The following PARD3 variants were observed in gnomAD, a reference collection of about 807,000 sequenced individuals.
PARD3 encodes the protein partitioning defective 3 homolog.
In PARD3, 75 loss-of-function variants were observed where a neutral mutation model predicts 155.4. The ratio of observed to expected loss-of-function variants is 0.48; its 90% confidence interval spans 0.40 to 0.58. The LOEUF (loss-of-function observed/expected upper bound fraction) is 0.58, where lower values mean the gene tolerates loss of function less well. Among genes scored for constraint, PARD3 ranks in the 20% least tolerant of loss-of-function variants. PARD3 has a pLI of 0.00. For synonymous variants in PARD3, 576 were observed against 610.5 expected, an observed-to-expected ratio of 0.94 and a Z score of 0.83; for missense variants, 1,642 against 1,721.7, an observed-to-expected ratio of 0.95 and a Z score of 0.82.
chr10:34,699,041 T>C (rs973041358), intron 1 of PARD3, among the ~76,000 whole-genome samples: 1 of 152,202 alleles, frequency 6.6e-6, no homozygotes, highest in Admixed American at 6.5e-5. Flanking sequence ...CAGCAGAATA[T>C]GTTACCCTCT....
At chr10:34,618,392 GCTTTT>G (rs1382951212) in intron 2 of PARD3, among the ~76,000 whole-genome samples, 1 of 152,102 alleles carries the variant, frequency 6.6e-6, no homozygotes, top group East Asian at 1.9e-4. Flanking sequence ...ACTTAAAATA[GCTTTT>G]CTTAACTCTT....
chr10:34,206,748 T>C (rs1010219780), intron 22 of PARD3, among the ~76,000 whole-genome samples: 10 of 152,296 alleles, frequency 6.6e-5, no homozygotes, highest in African/African-American at 2.4e-4. Context: ...GTTGCTGCCA[T>C]GGAAAGCAGT....
intron 14 of PARD3, among the ~76,000 whole-genome samples, chr10:34,355,884 C>T (rs1201568854): frequency 3.7e-5 from 5 of 135,362 alleles, no homozygotes; most frequent in Non-Finnish European, 7.6e-5. Flanking sequence ...AAGATCACGC[C>T]ACTGCACTCC....
At chr10:34,201,929 A>C (rs1951234898) in intron 22 of PARD3, 1 of 152,196 alleles carries the variant, frequency 6.6e-6, no homozygotes, top group Admixed American at 6.5e-5. Context: ...TCTTGGAAAA[A>C]AGGATCAGGG....
chr10:34,536,418 A>C (rs946134408), intron 2 of PARD3, among the ~76,000 whole-genome samples: 1 of 152,238 alleles, frequency 6.6e-6, no homozygotes, highest in African/African-American at 2.4e-5. Flanking sequence ...GTACTGCTTT[A>C]CAATACCAAC....
intron 2 of PARD3, among the ~76,000 whole-genome samples, chr10:34,544,527 T>C (rs1172514447): frequency 1.3e-5 from 2 of 152,166 alleles, no homozygotes; most frequent in African/African-American, 2.4e-5. Context: ...GCCTTTATAA[T>C]ACATTAACCC....
At chr10:34,737,812 AC>A in intron 1 of PARD3, among the ~76,000 whole-genome samples, 1 of 152,352 alleles carries the variant, frequency 6.6e-6, no homozygotes, top group South Asian at 2.1e-4. Flanking sequence ...TTATAGCAAC[AC>A]GAATGAACTA....
intron 1 of PARD3, among the ~76,000 whole-genome samples, chr10:34,700,292 C>T (rs1273247997): frequency 6.6e-6 from 1 of 152,148 alleles, no homozygotes; most frequent in African/African-American, 2.4e-5. Context: ...CAAAACATTT[C>T]CTAAGACTAA....
chr10:34,410,957 G>A (rs1844983716), intron 5 of PARD3, among the ~76,000 whole-genome samples: 1 of 152,208 alleles, frequency 6.6e-6, no homozygotes, highest in South Asian at 2.1e-4. Context: ...AGGGAGTAAG[G>A]AGAACTGAAC....
chr10:34,480,479 A>T (rs561837414), intron 3 of PARD3, among the ~76,000 whole-genome samples: 1 of 152,102 alleles, frequency 6.6e-6, no homozygotes, highest in South Asian at 2.1e-4. Flanking sequence ...CTCAAAGTGA[A>T]ACTCCCATCT....
intron 2 of PARD3, among the ~76,000 whole-genome samples, chr10:34,683,428 A>G (rs1295793478): frequency 6.6e-6 from 1 of 151,658 alleles, no homozygotes; most frequent in African/African-American, 2.4e-5. Flanking sequence ...GATAGTTACT[A>G]TGATTATACC....
At chr10:34,699,803 A>T (rs558761965) in intron 1 of PARD3, among the ~76,000 whole-genome samples, 2 of 152,256 alleles carry the variant, frequency 1.3e-5, no homozygotes, top group African/African-American at 4.8e-5. Context: ...TGAGCACAAA[A>T]ATTCAAGGCT....
chr10:34,459,621 T>C (rs946891283), intron 4 of PARD3, among the ~76,000 whole-genome samples: 2 of 152,182 alleles, frequency 1.3e-5, no homozygotes, highest in Non-Finnish European at 2.9e-5. Flanking sequence ...AGTAAAATAC[T>C]TATAGTGGTT....
intron 1 of PARD3, among the ~76,000 whole-genome samples, chr10:34,712,851 C>T (rs147687616): frequency 2.0e-5 from 3 of 151,998 alleles, no homozygotes; most frequent in Non-Finnish European, 4.4e-5. Context: ...ATCAATCGTA[C>T]CCCAAACCTC....
chr10:34,429,575 TTTTGTTTTG>T (rs1260341542), intron 5 of PARD3, among the ~76,000 whole-genome samples: 2 of 150,960 alleles, frequency 1.3e-5, no homozygotes, highest in Non-Finnish European at 2.9e-5. Flanking sequence ...TTTTGTTTTG[TTTTGTTTTG>T]TTTTGTTTTG....
chr10:34,148,161 G>C (rs1466146787), intron 22 of PARD3, among the ~76,000 whole-genome samples: 1 of 152,150 alleles, frequency 6.6e-6, no homozygotes, highest in African/African-American at 2.4e-5. Context: ...CATAGATTTA[G>C]ATATAAATAT....
chr10:34,501,916 G>A (rs1183403634), intron 3 of PARD3, among the ~76,000 whole-genome samples: 1 of 152,198 alleles, frequency 6.6e-6, no homozygotes, highest in Non-Finnish European at 1.5e-5. Context: ...GGTATAGGAT[G>A]TGGGGCCTTG....
At chr10:34,466,533 T>C (rs1490647984) in intron 4 of PARD3, among the ~76,000 whole-genome samples, 1 of 152,154 alleles carries the variant, frequency 6.6e-6, no homozygotes, top group Non-Finnish European at 1.5e-5. Flanking sequence ...CACTTAACTA[T>C]GTAGATGAGT....
intron 22 of PARD3, among the ~76,000 whole-genome samples, chr10:34,172,215 A>T (rs554084408): frequency 6.6e-6 from 1 of 152,312 alleles, no homozygotes; most frequent in African/African-American, 2.4e-5. Flanking sequence ...TAGATATAAA[A>T]GGGAAAATAG....
Sources: allele counts gnomAD v4.1 joint callset (sites outside exome capture counted in the v4.1 genomes callset), GRCh38; gene constraint gnomAD v4.1.1; transcripts MANE v1.5; gene names NCBI Gene and HGNC (gene_info 2026-07-23, HGNC 2026-07-21).